Variants in USP3 observed in about 807,000 individuals in gnomAD.
The protein encoded by USP3 is ubiquitin specific peptidase 3.
In USP3, 20 loss-of-function variants were observed where a neutral mutation model predicts 72.3. The ratio of observed to expected loss-of-function variants is 0.28; its 90% CI spans 0.19 to 0.40. USP3 has a LOEUF of 0.40. Among genes scored for constraint, USP3 ranks in the 10% least tolerant of loss-of-function variants. The pLI, the probability that USP3 is intolerant of heterozygous loss-of-function variation, is 1.00. For synonymous variants in USP3, 222 were observed against 225.3 expected (o/e 0.99, Z 0.13); for missense variants, 479 against 633.9 (o/e 0.76, Z 2.62).
chr15:63,580,657 T>C (rs1566916983), intron 11 of USP3, among the ~76,000 whole-genome samples: 1 of 63,150 alleles, frequency 1.6e-5, no homozygotes, highest in African/African-American at 7.4e-5. Flanking sequence ...TATATGAATA[T>C]ATAATATATA....
intron 11 of USP3, among the ~76,000 whole-genome samples, chr15:63,584,660 T>C (rs2067025724): frequency 6.6e-6 from 1 of 152,194 alleles, no homozygotes. Flanking sequence ...TCTTCATATA[T>C]TGTGGCCATT....
At chr15:63,556,853 G>T in intron 5 of USP3, 105 bp downstream of exon 5, 1 of 839,132 alleles carries the variant, frequency 1.2e-6, no homozygotes, top group Admixed American at 2.8e-5. Context: ...TTTTATAAAT[G>T]TGTGTCTTGG....
At chr15:63,534,296 A>AT (rs927410056) in intron 2 of USP3, among the ~76,000 whole-genome samples, 8 of 152,092 alleles carry the variant, frequency 5.3e-5, no homozygotes, top group African/African-American at 1.7e-4. Flanking sequence ...AAATTTATTG[A>AT]TTTTTTGGTA....
At chr15:63,569,745 A>T (rs1024270080) in intron 8 of USP3, among the ~76,000 whole-genome samples, 1 of 152,158 alleles carries the variant, frequency 6.6e-6, no homozygotes, top group East Asian at 1.9e-4. Flanking sequence ...ATATATTCGT[A>T]TAAGAATTTC....
At position 63,586,426 on chromosome 15, in the gene USP3, A is replaced by G. The variant is rs951027926; in HGVS notation, c.1097-1879A>G. ...CCTTTCCTTATTTCTTATTCTCCCT[A>G]TGACCCCCGCTGTCCCCGCCAAGGC... On this transcript the variant is annotated intron_variant, in intron 11 of 14. Transcript: ENST00000380324. Among the ~76,000 whole-genome samples, 5 of 152,222 alleles carry G rather than the reference A, an allele frequency of 3.3e-5. No individual in the cohort carries two copies. The South Asian group carries it at 6.2e-4, about 19-fold the overall frequency.
At chr15:63,532,313 T>A (rs1467604862) in intron 1 of USP3, among the ~76,000 whole-genome samples, 1 of 152,184 alleles carries the variant, frequency 6.6e-6, no homozygotes, top group Non-Finnish European at 1.5e-5. Context: ...AAAATGTTTT[T>A]TAATAGGAAA....
intron 5 of USP3, among the ~76,000 whole-genome samples, chr15:63,557,201 G>A (rs142777168): frequency 2.4e-4 from 36 of 152,272 alleles, no homozygotes; most frequent in African/African-American, 8.7e-4. Context: ...CTCCCAAGGG[G>A]GTGGGACAAC....
chr15:63,556,709 G>T lies in USP3; in HGVS notation c.411G>T (p.Leu137Phe). Residue 137 changes from leucine (L) to phenylalanine (F), a missense_variant, in exon 5 of 15, where the codon TTG becomes TTT. Physicochemically the swap from Leu to Phe is conservative, Grantham distance 22. Transcript: ENST00000380324. ...ACAGGCATAAGAAAAGAAAACTTTTGGAAAACTCAACACTAAACAGCAAGT... is the reference window on the plus strand; with the variant it reads ...ACAGGCATAAGAAAAGAAAACTTTTTGAAAACTCAACACTAAACAGCAAGT... ...TADRHKKRKL[L>F]ENSTLNSKLL... 1 of 1,608,194 alleles carries T rather than the reference G, an allele frequency of 6.2e-7. No homozygotes were observed. The highest frequency in any genetic ancestry group is 1.1e-5 in the South Asian group (1 of 90,228).
intron 4 of USP3, 89 bp from the exon 5 acceptor site, chr15:63,556,578 T>C (rs2066512581): frequency 1.0e-6 from 1 of 969,662 alleles, no homozygotes; most frequent in Non-Finnish European, 1.5e-6. Context: ...ATGCCCTAGG[T>C]GTTGAGGGCA....
At chr15:63,531,897 G>A (rs952812713) in intron 1 of USP3, among the ~76,000 whole-genome samples, 4 of 152,140 alleles carry the variant, frequency 2.6e-5, no homozygotes, top group Admixed American at 2.6e-4. Context: ...CCACGCCAAT[G>A]TAGATAACCT....
chr15:63,506,976 C>T (rs1281389538), intron 1 of USP3, among the ~76,000 whole-genome samples: 1 of 152,180 alleles, frequency 6.6e-6, no homozygotes, highest in African/African-American at 2.4e-5. Context: ...TAAGCTTGAT[C>T]TTGTTCTTGC....
Position 63,588,203 on chromosome 15 carries a change from T to G in USP3, c.1097-102T>G. The G allele has an allele frequency of 1.2e-6, 1 of 856,830 alleles. No individual in the cohort carries two copies. Among genetic ancestry groups the G allele is most frequent in the South Asian group, 1.9e-5 (1 of 53,582 alleles). The allele number at this position is 856,830 out of a possible 1,614,324, so 53.1% of individuals were successfully genotyped here. ...AAAGGTTAACTTTTCTAAGGTCGTA[T>G]AGCTAATAAAGCTGAGATTTTAAAC... On this transcript the variant is annotated intron_variant, in intron 11 of 14. Transcript: ENST00000380324. The surrounding 1 kb of genome is among the most constrained non-coding windows in gnomAD (Gnocchi z 4.6).
chr15:63,547,540 G>C (rs1331613131), intron 3 of USP3, among the ~76,000 whole-genome samples: 1 of 151,224 alleles, frequency 6.6e-6, no homozygotes, highest in African/African-American at 2.4e-5. Flanking sequence ...GACCAGCCAG[G>C]GCAACATAGT....
At chr15:63,555,647 A>G (rs535746478) in intron 4 of USP3, among the ~76,000 whole-genome samples, 69 of 152,218 alleles carry the variant, frequency 4.5e-4, no homozygotes, top group Non-Finnish European at 6.8e-4. Context: ...GCATTGTCAT[A>G]AAGAGCATAT....
At chr15:63,539,164 C>T (rs1243194095) in intron 3 of USP3, among the ~76,000 whole-genome samples, 1 of 151,130 alleles carries the variant, frequency 6.6e-6, no homozygotes, top group East Asian at 1.9e-4. Flanking sequence ...AGTGATGTGG[C>T]TACGTAATTT....
At position 63,559,869 on chromosome 15, in the gene USP3, G is replaced by A. The variant is rs916257782; in HGVS notation, c.546G>A (p.Gln182=). Reference sequence around the variant, plus strand: ...CCTTTTAAAATAGTAACATTGAGCAGTTTTGCTGTTATTTCAAAGAACTGC... The same window carrying A: ...CCTTTTAAAATAGTAACATTGAGCAATTTTGCTGTTATTTCAAAGAACTGC... The part of the protein sequence containing the change: ...AILQSLSNIE[Q]FCCYFKELPA... Residue 182 remains glutamine (Q), a synonymous_variant, in exon 7 of 15, where the codon CAG becomes CAA. Transcript: ENST00000380324. 3.7e-6 allele frequency: 6 copies of A among 1,613,290 alleles called. No individual in the cohort carries two copies. The highest frequency in any genetic ancestry group is 1.3e-5 in the African/African-American group (1 of 74,982).
intron 11 of USP3, among the ~76,000 whole-genome samples, chr15:63,584,598 A>G (rs2067024721): frequency 1.3e-5 from 2 of 152,160 alleles, no homozygotes; most frequent in Admixed American, 1.3e-4. Context: ...AGAAAAGTCT[A>G]TTAAAGTCCT....
chr15:63,516,962 T>C (rs1386445108), intron 1 of USP3, among the ~76,000 whole-genome samples: 2 of 151,706 alleles, frequency 1.3e-5, no homozygotes, highest in Non-Finnish European at 2.9e-5. Flanking sequence ...TAGTTGGATG[T>C]TGGGTGTCCT....
chr15:63,573,802 T>C (rs1333207746), intron 9 of USP3, among the ~76,000 whole-genome samples: 1 of 152,206 alleles, frequency 6.6e-6, no homozygotes, highest in African/African-American at 2.4e-5. Flanking sequence ...TTAGTTACTC[T>C]TGGGGAAAGT....
Sources: gnomAD v4.1 joint callset for allele counts (sites outside exome capture counted in the v4.1 genomes callset) on GRCh38, gnomAD v4.1.1 for gene constraint, Gnocchi (gnomAD v3.1) non-coding constraint, MANE v1.5 for transcripts, NCBI Gene and HGNC (gene_info 2026-07-23, HGNC 2026-07-21) for gene names.